RIC1: variants seen among roughly 807,000 people sequenced by gnomAD.
RIC1 encodes the protein RIC1 partner of RAB6A GEF complex, also known as guanine nucleotide exchange factor subunit RIC1.
In RIC1, 88 loss-of-function variants were observed where a neutral mutation model predicts 169.0. That is an observed-to-expected ratio of 0.52 (90% CI 0.44 to 0.62). RIC1 has a LOEUF of 0.62. Ranked by LOEUF, RIC1 falls within the 20% of genes least tolerant of loss-of-function variation. RIC1 has a pLI of 0.00. For synonymous variants in RIC1, 790 were observed against 601.5 expected, an observed-to-expected ratio of 1.31 and a Z score of -4.59; for missense variants, 1,877 against 1,725.5, an observed-to-expected ratio of 1.09 and a Z score of -1.56.
intron 1 of RIC1, among the ~76,000 whole-genome samples, chr9:5,645,952 T>TG (rs920064533): frequency 1.7e-4 from 26 of 151,490 alleles, no homozygotes; most frequent in Non-Finnish European, 7.4e-5. Flanking sequence ...TCTATAGGTT[T>TG]TTTTTTTTTT....
chr9:5,706,378 G>A (rs1363829627), intron 3 of RIC1, among the ~76,000 whole-genome samples: 2 of 152,134 alleles, frequency 1.3e-5, no homozygotes, highest in African/African-American at 4.8e-5. Flanking sequence ...CTTGAACCAG[G>A]GAGTCGGAGG....
chr9:5,728,032 C>T (rs1471207876), intron 6 of RIC1, among the ~76,000 whole-genome samples: 1 of 152,202 alleles, frequency 6.6e-6, no homozygotes, highest in African/African-American at 2.4e-5. Flanking sequence ...TCTCAGACCT[C>T]AGACTCCGTG....
intron 1 of RIC1, among the ~76,000 whole-genome samples, chr9:5,637,441 G>A (rs547889595): frequency 6.6e-6 from 1 of 152,118 alleles, no homozygotes; most frequent in Non-Finnish European, 1.5e-5. Context: ...ATCCCCTCAA[G>A]CATTTAACCT....
chr9:5,769,987 G>A (rs1563725659), intron 22 of RIC1, 100 bp from the exon 23 acceptor site: 7 of 1,021,412 alleles, frequency 6.9e-6, no homozygotes, highest in Non-Finnish European at 9.9e-6. Context: ...GTTCTTATTG[G>A]GTAGGCAGGT....
intron 1 of RIC1, among the ~76,000 whole-genome samples, chr9:5,643,558 C>G (rs1324199379): frequency 6.6e-6 from 1 of 151,962 alleles, no homozygotes; most frequent in Non-Finnish European, 1.5e-5. Flanking sequence ...ATAATTACTC[C>G]TTTATTAAAA....
intron 2 of RIC1, among the ~76,000 whole-genome samples, chr9:5,673,764 A>T (rs1020672311): frequency 2.6e-5 from 4 of 151,894 alleles, no homozygotes; most frequent in African/African-American, 7.3e-5. Context: ...TAAGATTCCA[A>T]TTTTGTGTGA....
intron 1 of RIC1, among the ~76,000 whole-genome samples, chr9:5,647,186 G>T (rs1398141880): frequency 6.6e-6 from 1 of 152,158 alleles, no homozygotes; most frequent in African/African-American, 2.4e-5. Context: ...GTATCCTTGT[G>T]CCAGTACGAC....
chr9:5,767,044 G>A (rs1413246164), intron 21 of RIC1, among the ~76,000 whole-genome samples: 2 of 152,142 alleles, frequency 1.3e-5, no homozygotes, highest in African/African-American at 4.8e-5. Flanking sequence ...GGAGTAAGGT[G>A]GCATTGCGTT....
At chr9:5,720,858 T>C in intron 6 of RIC1, 108 bp downstream of exon 6, 1 of 989,414 alleles carries the variant, frequency 1.0e-6, no homozygotes, top group Non-Finnish European at 1.5e-6. Context: ...TTAAGGGTTG[T>C]TAATTTTTTA....
intron 7 of RIC1, among the ~76,000 whole-genome samples, chr9:5,737,460 G>T (rs1449141117): frequency 6.9e-6 from 1 of 145,028 alleles, no homozygotes; most frequent in Non-Finnish European, 1.6e-5. Context: ...TTCTCCACCA[G>T]AGTATCACTA....
intron 3 of RIC1, among the ~76,000 whole-genome samples, chr9:5,701,313 T>C (rs937196466): frequency 1.3e-5 from 2 of 152,142 alleles, no homozygotes; most frequent in Non-Finnish European, 2.9e-5. Context: ...AAGTGTAGCT[T>C]AGAAATAAAT....
chr9:5,773,062 G>A lies in RIC1; in HGVS notation c.3965G>A (p.Arg1322Gln), dbSNP rs374947323. The A allele has an allele frequency of 3.1e-5, 50 of 1,611,478 alleles. No individual in the cohort carries two copies. The highest frequency in any genetic ancestry group is 4.4e-5 in the South Asian group (4 of 90,718). ...AAGACAGGGCTCCATGCAGTGGACC[G>A]ATGGGCCTCTACAGACTGGTAAGTG... ...NIKTGLHAVD[R>Q]WASTDCPGYK... The change falls in exon 25 of 26, where the codon CGA becomes CAA. Residue 1322 changes from arginine to glutamine, a missense_variant. Around this residue, in one of 3 missense-constraint regions of RIC1, gnomAD observed 681 missense variants for 582.0 expected, o/e 1.17. Transcript: ENST00000414202.
chr9:5,688,525 AC>A (rs1208008121), intron 2 of RIC1, among the ~76,000 whole-genome samples: 3 of 152,174 alleles, frequency 2.0e-5, no homozygotes, highest in Admixed American at 6.5e-5. Flanking sequence ...TTGCTTCCAT[AC>A]TCTCCATATT....
chr9:5,767,643 A>G (rs534218763), intron 21 of RIC1, among the ~76,000 whole-genome samples: 1 of 152,250 alleles, frequency 6.6e-6, no homozygotes, highest in South Asian at 2.1e-4. Context: ...GCTGGAGTGC[A>G]ATGGCTTGAT....
rs1563716646 is a variant in RIC1 at position 5,763,276 on chromosome 9, T to G, written c.2249T>G (p.Leu750Arg). 6.2e-7 allele frequency: 1 copy of G among 1,614,146 alleles called. No homozygotes were observed. Among genetic ancestry groups the G allele is most frequent in the Admixed American group, 1.7e-5 (1 of 60,018 alleles). The change falls in exon 19 of 26, where the codon CTC becomes CGC. Residue 750 changes from leucine (L) to arginine (R), a missense_variant. Around this residue, in one of 3 missense-constraint regions of RIC1, gnomAD observed 1,104 missense variants for 992.0 expected, o/e 1.11. Transcript: ENST00000414202. This position sits in a 1 kb window ranked among gnomAD's most constrained non-coding sequence, Gnocchi z 5.2. ...SCGGAGMKVW[L>R]PLFPRDHRKP... is the part of the protein sequence containing the mutation. Reference sequence around the variant, plus strand: ...GGTGGTGCAGGGATGAAAGTTTGGCTCCCTCTCTTCCCTAGGGATCACCGC... The same window carrying G: ...GGTGGTGCAGGGATGAAAGTTTGGCGCCCTCTCTTCCCTAGGGATCACCGC...
chr9:5,763,437 C>T lies in RIC1; in HGVS notation c.2410C>T (p.Arg804Trp), dbSNP rs749141847. Residue 804 changes from arginine (R) to tryptophan (W), a missense_variant, in exon 19 of 26, where the codon CGG becomes TGG. Arg to Trp is a moderately radical substitution (Grantham distance 101, BLOSUM62 -3). Around this residue, in one of 3 missense-constraint regions of RIC1, gnomAD observed 1,104 missense variants for 992.0 expected, o/e 1.11. Transcript: ENST00000414202. This position sits in a 1 kb window ranked among gnomAD's most constrained non-coding sequence, Gnocchi z 5.2. ...DTLLYDSLYT[R>W]NNAREQLEVL... is the part of the protein sequence containing the mutation. ...TTTGCTCTATGATTCTTTATATACT[C>T]GGAACAATGCTAGAGAACAGCTGGA... is the stretch of plus-strand genomic sequence containing the variant. The T allele has an allele frequency of 5.6e-6, 9 of 1,614,150 alleles. No individual in the cohort carries two copies. Among genetic ancestry groups the T allele is most frequent in the South Asian group, 5.5e-5 (5 of 91,082 alleles).
At chr9:5,778,568 T>G (rs962145162), downstream of RIC1, among the ~76,000 whole-genome samples, 17 of 152,372 alleles carry the variant, frequency 1.1e-4, no homozygotes, top group South Asian at 2.7e-3. Context: ...CTGTATAGTT[T>G]GTCTTTTACA....
Position 5,629,399 on chromosome 9 carries a change from G to C in RIC1, c.90G>C (p.Gln30His). Residue 30 changes from glutamine (Q) to histidine (H), a missense_variant, in exon 1 of 26, where the codon CAG becomes CAC. Physicochemically the swap from Gln to His is conservative, Grantham distance 24. Transcript: ENST00000414202. ...EAPFHVQSDPQRAFFAVLAAA... is the reference protein window; with the variant it reads ...EAPFHVQSDPHRAFFAVLAAA... ...CTTTCCACGTTCAGTCCGACCCGCA[G>C]AGGGCTTTCTTCGCCGTGCTGGCCG... The C allele has an allele frequency of 6.5e-7, 1 of 1,534,192 alleles. No homozygotes were observed. The highest frequency in any genetic ancestry group is 8.7e-7 in the Non-Finnish European group (1 of 1,146,184).
chr9:5,664,007 G>A (rs1475389755), intron 2 of RIC1, among the ~76,000 whole-genome samples: 5 of 152,120 alleles, frequency 3.3e-5, no homozygotes, highest in African/African-American at 4.8e-5. Flanking sequence ...TGATGGTTAC[G>A]AATTCCCTCA....
Sources: gnomAD v4.1 joint callset for allele counts (sites outside exome capture counted in the v4.1 genomes callset) on GRCh38, gnomAD v4.1.1 for gene constraint, gnomAD v4.1.1 regional missense constraint, Gnocchi (gnomAD v3.1) non-coding constraint, MANE v1.5 for transcripts, NCBI Gene and HGNC (gene_info 2026-07-23, HGNC 2026-07-21) for gene names.